RNF187: variants seen among roughly 807,000 people sequenced by gnomAD.
The protein encoded by RNF187 is E3 ubiquitin-protein ligase RNF187.
RNF187 carries 18 observed loss-of-function variants against 22.2 expected under a neutral mutation model. The ratio of observed to expected loss-of-function variants is 0.81; its 90% CI spans 0.56 to 1.20. The LOEUF (loss-of-function observed/expected upper bound fraction) is 1.20. RNF187 is among the 50% of genes most tolerant of loss of function. The pLI, the probability that RNF187 is intolerant of heterozygous loss-of-function variation, is 0.00. For synonymous variants in RNF187, 164 were observed against 140.9 expected (o/e 1.16, Z -1.16); for missense variants, 329 against 317.6 (o/e 1.04, Z -0.27).
At position 228,494,197 on chromosome 1, in the gene RNF187, C is replaced by T; in HGVS notation, c.*312C>T. The T allele has an allele frequency of 7.4e-7, 1 of 1,344,292 alleles. No homozygotes were observed. Among genetic ancestry groups the T allele is most frequent in the Non-Finnish European group, 9.5e-7 (1 of 1,048,276 alleles). The allele number at this position is 1,344,292 out of a possible 1,614,324, so 83.3% of individuals were successfully genotyped here. ...CTGGGTCATGCCCTTCCCTGGTCAC[C>T]CATCTGCCCCTCACCTCGTCATCCA... On this transcript the variant is annotated 3_prime_UTR_variant, in exon 4 of 4. Transcript: ENST00000305943.
intron 2 of RNF187, among the ~76,000 whole-genome samples, chr1:228,491,744 A>G: frequency 6.6e-6 from 1 of 152,266 alleles, no homozygotes; most frequent in Admixed American, 6.5e-5. Context: ...CCAGCCAGGC[A>G]TATTAATTTA....
Position 228,494,599 on chromosome 1 carries a change from A to G in RNF187, c.*714A>G. The G allele has an allele frequency of 2.0e-6, 2 of 985,402 alleles. No homozygotes were observed. Among genetic ancestry groups the G allele is most frequent in the African/African-American group, 3.5e-5 (2 of 57,150 alleles). The allele number at this position is 985,402 out of a possible 1,614,324, so 61.0% of individuals were successfully genotyped here. A position where few individuals can be genotyped will look rare whatever the true frequency, so the allele number is the denominator to read the frequency against. On this transcript the variant is annotated 3_prime_UTR_variant, in exon 4 of 4. Coordinates refer to ENST00000305943, the MANE Select transcript of RNF187 (RefSeq NM_001010858.3). Reference sequence around the variant, plus strand: ...GGGTGAGGGGGCTGGCAGGTGGCTAACCCCATTTAGCATCTCCAGGCCCTG... The same window carrying G: ...GGGTGAGGGGGCTGGCAGGTGGCTAGCCCCATTTAGCATCTCCAGGCCCTG...
In RNF187 at chr1:228,493,855, C is replaced by A; in HGVS notation, c.706-28C>A. 1 of 1,551,194 alleles carries A rather than the reference C, an allele frequency of 6.4e-7. No homozygotes were observed. Among genetic ancestry groups the A allele is most frequent in the African/African-American group, 1.4e-5 (1 of 73,166 alleles). On this transcript the variant is annotated intron_variant, in intron 3 of 3. Coordinates refer to ENST00000305943, the MANE Select transcript of RNF187 (RefSeq NM_001010858.3). This position sits in a 1 kb window ranked among gnomAD's most constrained non-coding sequence, Gnocchi z 4.7. ...TGTGTCTCTTTCTCTTTTTGTCTCTCTGTCTTTCCCTCTCCCCTCCCATGC... is the reference window on the plus strand; with the variant it reads ...TGTGTCTCTTTCTCTTTTTGTCTCTATGTCTTTCCCTCTCCCCTCCCATGC...
chr1:228,487,876 A>G lies in RNF187; in HGVS notation c.388A>G (p.Lys130Glu). ...GCGCTGGAGGAAGGCGCTGCGCGGC[A>G]AGGTGCGCGCCGCGGGGTCCCGTGC... The change falls in exon 1 of 4, where the codon AAG (lysine) becomes GAG (glutamate). Residue 130 changes from lysine (K) to glutamate (E), a missense_variant and splice_region_variant. Coordinates refer to ENST00000305943, the MANE Select transcript of RNF187 (RefSeq NM_001010858.3). 8.2e-7 allele frequency: 1 copy of G among 1,218,802 alleles called. No individual in the cohort carries two copies. Among genetic ancestry groups the G allele is most frequent in the Non-Finnish European group, 1.0e-6 (1 of 975,664 alleles). The allele number at this position is 1,218,802 out of a possible 1,614,324, so 75.5% of individuals were successfully genotyped here. A position where few individuals can be genotyped will look rare whatever the true frequency, so the allele number is the denominator to read the frequency against.
At position 228,494,188 on chromosome 1, in the gene RNF187, C is replaced by G; in HGVS notation, c.*303C>G. ...CCGGCAGCTCTGGGTCATGCCCTTC[C>G]CTGGTCACCCATCTGCCCCTCACCT... On this transcript the variant is annotated 3_prime_UTR_variant, in exon 4 of 4. Transcript: ENST00000305943. 7.3e-7 allele frequency: 1 copy of G among 1,362,982 alleles called. No homozygotes were observed. Among genetic ancestry groups the G allele is most frequent in the South Asian group, 1.6e-5 (1 of 62,382 alleles). The allele number at this position is 1,362,982 out of a possible 1,614,324, so 84.4% of individuals were successfully genotyped here.
Position 228,495,818 on chromosome 1 carries a change from C to T in RNF187, c.*1933C>T. On this transcript the variant is annotated 3_prime_UTR_variant, in exon 4 of 4. Coordinates refer to ENST00000305943, the MANE Select transcript of RNF187 (RefSeq NM_001010858.3). ...TGGAGTGACAGATTAATGTATCCAT[C>T]TCATGTTTTTTTTGGTGGTGAGAAT... 1 of 891,694 alleles carries T rather than the reference C, an allele frequency of 1.1e-6. No homozygotes were observed. The highest frequency in any genetic ancestry group is 1.3e-6 in the Non-Finnish European group (1 of 744,780). 55.2% of individuals were successfully genotyped at this position (891,694 alleles called of 1,614,324 possible). A position where few individuals can be genotyped will look rare whatever the true frequency, so the allele number is the denominator to read the frequency against.
Position 228,489,036 on chromosome 1 carries a change from C to G in RNF187, c.467C>G (p.Ala156Gly). The G allele has an allele frequency of 6.5e-7, 1 of 1,548,578 alleles. No homozygotes were observed. Residue 156 changes from alanine to glycine, a missense_variant, in exon 2 of 4, where the codon GCA becomes GGA. Ala to Gly is a moderately conservative substitution (Grantham distance 60). Coordinates refer to ENST00000305943, the MANE Select transcript of RNF187 (RefSeq NM_001010858.3). ...GACCTGCATGGCCAGGCAGAGTCAG[C>G]AGCTGCAGTGTGGAAGGCAAGTGGG...
At chr1:228,488,071 C>T in intron 1 of RNF187, among the ~76,000 whole-genome samples, 193 bp downstream of exon 1, 1 of 151,364 alleles carries the variant, frequency 6.6e-6, no homozygotes, top group Non-Finnish European at 1.5e-5. Flanking sequence ...CCCCTCCCTC[C>T]TGCGGCTTGC....
chr1:228,489,343 C>G, intron 2 of RNF187, among the ~76,000 whole-genome samples: 2 of 152,054 alleles, frequency 1.3e-5, no homozygotes, highest in African/African-American at 4.8e-5. Context: ...CAGAGTCTCA[C>G]TTCATTACCC....
In RNF187 at chr1:228,494,297, G is replaced by A; in HGVS notation, c.*412G>A. The A allele has an allele frequency of 1.4e-5, 15 of 1,108,686 alleles. No homozygotes were observed. The African/African-American group carries it at 1.8e-4, about 13-fold the overall frequency. 68.7% of individuals were successfully genotyped at this position (1,108,686 alleles called of 1,614,324 possible). A position where few individuals can be genotyped will look rare whatever the true frequency, so the allele number is the denominator to read the frequency against. The stretch of plus-strand genomic sequence containing the variant: ...TACCTGAGGTGCACCATTGAGTGTC[G>A]GATTTGGGGTTAGCATCCAGAAAGA... On this transcript the variant is annotated 3_prime_UTR_variant, in exon 4 of 4. Transcript: ENST00000305943.
At position 228,493,830 on chromosome 1, in the gene RNF187, T is replaced by TG; in HGVS notation, c.706-52dup. On this transcript the variant is annotated intron_variant, in intron 3 of 3. Coordinates refer to ENST00000305943, the MANE Select transcript of RNF187 (RefSeq NM_001010858.3). The surrounding 1 kb of genome is among the most constrained non-coding windows in gnomAD (Gnocchi z 4.7). ...CCTTTTGCCTCTGTCTCTGACTCTGTGTGTCTCTTTCTCTTTTTGTCTCTC... is the reference window on the plus strand; with the variant it reads ...CCTTTTGCCTCTGTCTCTGACTCTGTGGTGTCTCTTTCTCTTTTTGTCTCTC... The TG allele has an allele frequency of 6.5e-7, 1 of 1,534,254 alleles. No homozygotes were observed. Among genetic ancestry groups the TG allele is most frequent in the South Asian group, 1.2e-5 (1 of 83,744 alleles).
chr1:228,493,847 T>A lies in RNF187; in HGVS notation c.706-36T>A. On this transcript the variant is annotated intron_variant, in intron 3 of 3. Coordinates refer to ENST00000305943, the MANE Select transcript of RNF187 (RefSeq NM_001010858.3). The surrounding 1 kb of genome is among the most constrained non-coding windows in gnomAD (Gnocchi z 4.7). The stretch of plus-strand genomic sequence containing the variant: ...TGACTCTGTGTGTCTCTTTCTCTTT[T>A]TGTCTCTCTGTCTTTCCCTCTCCCC... The A allele has an allele frequency of 1.3e-6, 2 of 1,550,070 alleles. No homozygotes were observed. The highest frequency in any genetic ancestry group is 1.7e-6 in the Non-Finnish European group (2 of 1,145,430).
chr1:228,492,119 T>G, intron 2 of RNF187, among the ~76,000 whole-genome samples: 3 of 151,834 alleles, frequency 2.0e-5, no homozygotes, highest in African/African-American at 7.3e-5. Flanking sequence ...GGTATGGTCA[T>G]AGCTCACTGC....
Position 228,495,325 on chromosome 1 carries a change from C to T in RNF187, c.*1440C>T. Reference sequence around the variant, plus strand: ...TTGGCTGCAAACGGTCAGAGAGGAACCCAGTCAGGTACCATTGAGGGTGGT... The same window carrying T: ...TTGGCTGCAAACGGTCAGAGAGGAATCCAGTCAGGTACCATTGAGGGTGGT... On this transcript the variant is annotated 3_prime_UTR_variant, in exon 4 of 4. Coordinates refer to ENST00000305943, the MANE Select transcript of RNF187 (RefSeq NM_001010858.3). 2,252 of 316,094 alleles carry T rather than the reference C, an allele frequency of 7.1e-3. 13 individuals are homozygous for T. The highest frequency in any genetic ancestry group is 0.011 in the Admixed American group (168 of 15,430). The allele number at this position is 316,094 out of a possible 1,614,324, so 19.6% of individuals were successfully genotyped here.
chr1:228,491,649 A>G, intron 2 of RNF187, among the ~76,000 whole-genome samples: 1 of 152,192 alleles, frequency 6.6e-6, no homozygotes, highest in East Asian at 1.9e-4. Context: ...CATGTTGGCC[A>G]GGCTGGTCTT....
intron 2 of RNF187, among the ~76,000 whole-genome samples, chr1:228,489,570 T>G: frequency 3.3e-5 from 5 of 152,120 alleles, no homozygotes; most frequent in African/African-American, 1.2e-4. Flanking sequence ...AAAGTGCTAT[T>G]TTTTTTTTCT....
chr1:228,493,793 C>T lies in RNF187; in HGVS notation c.706-90C>T. The T allele has an allele frequency of 4.9e-5, 68 of 1,397,730 alleles. No homozygotes were observed. The Admixed American group carries it at 6.3e-4, about 13-fold the overall frequency. The allele number at this position is 1,397,730 out of a possible 1,614,324, so 86.6% of individuals were successfully genotyped here. ...ATGCGCTGTCTCATGTGCGCTCTCTCTTTCGCTCTCTCCTTTTGCCTCTGT... is the reference window on the plus strand; with the variant it reads ...ATGCGCTGTCTCATGTGCGCTCTCTTTTTCGCTCTCTCCTTTTGCCTCTGT... On this transcript the variant is annotated intron_variant, in intron 3 of 3. Transcript: ENST00000305943. This position sits in a 1 kb window ranked among gnomAD's most constrained non-coding sequence, Gnocchi z 4.7.
chr1:228,493,802 T>A lies in RNF187; in HGVS notation c.706-81T>A. The A allele has an allele frequency of 6.9e-7, 1 of 1,448,080 alleles. No homozygotes were observed. The highest frequency in any genetic ancestry group is 9.5e-7 in the Non-Finnish European group (1 of 1,053,048). 89.7% of individuals were successfully genotyped at this position (1,448,080 alleles called of 1,614,324 possible). On this transcript the variant is annotated intron_variant, in intron 3 of 3. Transcript: ENST00000305943. The surrounding 1 kb of genome is among the most constrained non-coding windows in gnomAD (Gnocchi z 4.7). ...CTCATGTGCGCTCTCTCTTTCGCTC[T>A]CTCCTTTTGCCTCTGTCTCTGACTC...
intron 2 of RNF187, among the ~76,000 whole-genome samples, chr1:228,492,451 A>G: frequency 6.6e-6 from 1 of 150,468 alleles, no homozygotes; most frequent in South Asian, 2.1e-4. Flanking sequence ...CCTCCCAAGT[A>G]GCTGGGACTA....
Sources: gnomAD v4.1 joint callset for allele counts (sites outside exome capture counted in the v4.1 genomes callset) on GRCh38, gnomAD v4.1.1 for gene constraint, Gnocchi (gnomAD v3.1) non-coding constraint, MANE v1.5 for transcripts, NCBI Gene and HGNC (gene_info 2026-07-23, HGNC 2026-07-21) for gene names.